NKAIN2: variants seen among roughly 807,000 people sequenced by gnomAD.
The protein encoded by NKAIN2 is sodium/potassium-transporting ATPase subunit beta-1-interacting protein 2.
Under a neutral mutation model 32.6 loss-of-function variants are expected in NKAIN2, and 14 were observed. The ratio of observed to expected loss-of-function variants is 0.43; its 90% confidence interval spans 0.28 to 0.67. The LOEUF (loss-of-function observed/expected upper bound fraction) is 0.67. NKAIN2 is among the 30% of genes least tolerant of loss of function. The probability of loss-of-function intolerance (pLI) is 0.17; values close to 1 mark genes in which losing one functional copy is unlikely to be tolerated. For synonymous variants in NKAIN2, 80 were observed against 87.2 expected (o/e 0.92, Z 0.46); for missense variants, 198 against 258.3 (o/e 0.77, Z 1.60).
At chr6:124,031,918 A>G (rs1582960969) in intron 1 of NKAIN2, among the ~76,000 whole-genome samples, 2 of 152,142 alleles carry the variant, frequency 1.3e-5, no homozygotes, top group East Asian at 1.9e-4. Context: ...TACCGGGTAT[A>G]TACCCAAAGG....
At chr6:123,895,871 G>A (rs1043987509) in intron 1 of NKAIN2, among the ~76,000 whole-genome samples, 18 of 150,936 alleles carry the variant, frequency 1.2e-4, no homozygotes, top group African/African-American at 3.9e-4. Flanking sequence ...TATAACATTC[G>A]TTCGTCTCCC....
chr6:124,253,128 G>C lies in NKAIN2; in HGVS notation c.55-29877G>C, dbSNP rs538412591. ...TACAATATTGAGTTTTGAAGTTCAT[G>C]AACATGGTCTATCCCTGTATTTATT... On this transcript the variant is annotated intron_variant, in intron 1 of 6. Transcript: ENST00000368417. Among the ~76,000 whole-genome samples, 12 of 152,234 alleles carry C rather than the reference G, an allele frequency of 7.9e-5. No homozygotes were observed. In the South Asian group the frequency reaches 2.5e-3, roughly 32 times the overall value.
intron 1 of NKAIN2, among the ~76,000 whole-genome samples, chr6:123,827,497 C>T (rs1026638044): frequency 1.3e-5 from 2 of 152,056 alleles, no homozygotes; most frequent in South Asian, 4.1e-4. Flanking sequence ...TTATTAAATT[C>T]AGCATCAGCC....
At chr6:124,497,251 A>G (rs1778096344) in intron 3 of NKAIN2, among the ~76,000 whole-genome samples, 2 of 152,180 alleles carry the variant, frequency 1.3e-5, no homozygotes, top group Non-Finnish European at 2.9e-5. Context: ...CATTTTATCT[A>G]TATTCATGCT....
At chr6:124,661,176 G>A (rs530863895) in intron 4 of NKAIN2, among the ~76,000 whole-genome samples, 116 of 152,314 alleles carry the variant, frequency 7.6e-4, no homozygotes, top group Non-Finnish European at 1.2e-3. Flanking sequence ...ACATTTGGGG[G>A]ATGTGGTAGA....
intron 4 of NKAIN2, among the ~76,000 whole-genome samples, chr6:124,732,265 A>G (rs749426739): frequency 2.0e-5 from 3 of 152,080 alleles, no homozygotes; most frequent in Non-Finnish European, 4.4e-5. Context: ...GCAAATAAGA[A>G]GAGACCATTT....
chr6:124,315,619 G>A (rs529741307), intron 2 of NKAIN2, among the ~76,000 whole-genome samples: 1 of 152,166 alleles, frequency 6.6e-6, no homozygotes, highest in Admixed American at 6.6e-5. Context: ...AATTGGCAAA[G>A]GATTAATTTT....
chr6:123,933,022 A>G, intron 1 of NKAIN2, among the ~76,000 whole-genome samples: 1 of 152,112 alleles, frequency 6.6e-6, no homozygotes, highest in Non-Finnish European at 1.5e-5. Context: ...AAAATACTTT[A>G]CTGTCTGTCT....
At chr6:124,604,187 A>G (rs1782411805) in intron 3 of NKAIN2, among the ~76,000 whole-genome samples, 2 of 152,014 alleles carry the variant, frequency 1.3e-5, no homozygotes, top group African/African-American at 4.8e-5. Context: ...AAACTCCTGG[A>G]CAAGGCCTAC....
At chr6:124,578,083 C>A (rs1241648641) in intron 3 of NKAIN2, among the ~76,000 whole-genome samples, 12 of 151,656 alleles carry the variant, frequency 7.9e-5, no homozygotes, top group Non-Finnish European at 1.6e-4. Flanking sequence ...TCACCATGGG[C>A]CTTGGGTAAG....
chr6:124,635,748 A>G (rs118123332), intron 3 of NKAIN2, among the ~76,000 whole-genome samples: 6,490 of 152,188 alleles, frequency 0.043, 192 homozygotes, highest in Middle Eastern at 0.092. Flanking sequence ...CATATCAATT[A>G]TAAATAGACA....
intron 4 of NKAIN2, among the ~76,000 whole-genome samples, chr6:124,742,796 A>G (rs1455111980): frequency 6.6e-6 from 1 of 151,788 alleles, no homozygotes; most frequent in Non-Finnish European, 1.5e-5. Context: ...ACATCATCCA[A>G]GCCTTGGGCC....
chr6:124,592,173 T>C (rs566028946), intron 3 of NKAIN2, among the ~76,000 whole-genome samples: 1 of 152,284 alleles, frequency 6.6e-6, no homozygotes, highest in East Asian at 1.9e-4. Context: ...TGAGCTAAAC[T>C]TGGAGTTTGA....
intron 4 of NKAIN2, among the ~76,000 whole-genome samples, chr6:124,736,016 C>G (rs371535740): frequency 6.6e-6 from 1 of 151,790 alleles, no homozygotes. Flanking sequence ...AGAAGGCATG[C>G]CAAAAGTCAA....
chr6:124,494,525 A>C (rs563149071), intron 3 of NKAIN2, among the ~76,000 whole-genome samples: 1 of 152,240 alleles, frequency 6.6e-6, no homozygotes, highest in South Asian at 2.1e-4. Flanking sequence ...TATGATTCTT[A>C]ATAGAACACT....
chr6:124,690,805 C>T (rs7774956), intron 4 of NKAIN2, among the ~76,000 whole-genome samples: 98,174 of 152,094 alleles, frequency 0.65, 32,027 homozygotes, highest in East Asian at 0.75. Context: ...CAATTGAATG[C>T]ACTTCCTCTC....
At chr6:124,363,689 C>T (rs1799393641) in intron 3 of NKAIN2, among the ~76,000 whole-genome samples, 2 of 152,104 alleles carry the variant, frequency 1.3e-5, no homozygotes, top group South Asian at 4.1e-4. Flanking sequence ...CTGAAGATTA[C>T]CAGAACTAAA....
intron 4 of NKAIN2, among the ~76,000 whole-genome samples, chr6:124,719,050 A>T (rs1775896321): frequency 6.6e-6 from 1 of 152,164 alleles, no homozygotes; most frequent in African/African-American, 2.4e-5. Flanking sequence ...ATTTTTATTG[A>T]GTTTTTCTGT....
chr6:124,670,921 G>T (rs978727228), intron 4 of NKAIN2, among the ~76,000 whole-genome samples: 9 of 152,022 alleles, frequency 5.9e-5, no homozygotes, highest in Admixed American at 3.9e-4. Flanking sequence ...GCCTTTTCAC[G>T]CTAGGTTTGG....
Sources: allele counts gnomAD v4.1 joint callset (sites outside exome capture counted in the v4.1 genomes callset), GRCh38; gene constraint gnomAD v4.1.1; transcripts MANE v1.5; gene names NCBI Gene and HGNC (gene_info 2026-07-23, HGNC 2026-07-21).